The following PLA2G4A variants were observed in gnomAD, a reference collection of about 807,000 sequenced individuals.
The protein encoded by PLA2G4A is phospholipase A2 group IVA, also known as cytosolic phospholipase A2.
PLA2G4A carries 40 observed loss-of-function variants against 81.9 expected under a neutral mutation model. The ratio of observed to expected loss-of-function variants is 0.49; its 90% CI spans 0.38 to 0.64. PLA2G4A has a LOEUF of 0.64. Among genes scored for constraint, PLA2G4A ranks in the 30% least tolerant of loss-of-function variants. PLA2G4A has a pLI of 0.00. For missense variants in PLA2G4A, 715 were observed against 905.1 expected (o/e 0.79, Z 2.69); for synonymous variants, 302 against 296.9 (o/e 1.02, Z -0.18).
chr1:186,950,547 G>C, intron 12 of PLA2G4A, 110 bp from the exon 13 acceptor site: 1 of 655,864 alleles, frequency 1.5e-6, no homozygotes. Context: ...TATACTAGTA[G>C]AGCTAGTAGA....
chr1:186,956,463 C>A, intron 14 of PLA2G4A, 119 bp downstream of exon 14: 1 of 970,892 alleles, frequency 1.0e-6, no homozygotes, highest in Non-Finnish European at 1.7e-6. Context: ...TTACAACCTG[C>A]ATTTAATGTG....
chr1:186,871,603 C>T (rs1388266823), intron 3 of PLA2G4A, among the ~76,000 whole-genome samples: 1 of 152,026 alleles, frequency 6.6e-6, no homozygotes, highest in Non-Finnish European at 1.5e-5. Context: ...GCAAAAAGAC[C>T]AGAATGCTTG....
chr1:186,970,744 C>G (rs1190252911), intron 15 of PLA2G4A, among the ~76,000 whole-genome samples: 1 of 151,986 alleles, frequency 6.6e-6, no homozygotes, highest in Non-Finnish European at 1.5e-5. Context: ...TCTGGGTTCT[C>G]TATTCTGTTT....
intron 7 of PLA2G4A, among the ~76,000 whole-genome samples, chr1:186,927,692 C>A (rs1655597276): frequency 6.6e-6 from 1 of 152,100 alleles, no homozygotes; most frequent in Non-Finnish European, 1.5e-5. Flanking sequence ...AAATATGGAC[C>A]TTAAGTAATT....
At chr1:186,985,875 G>A (rs1257286393) in intron 17 of PLA2G4A, among the ~76,000 whole-genome samples, 1 of 152,092 alleles carries the variant, frequency 6.6e-6, no homozygotes, top group East Asian at 1.9e-4. Context: ...ATGACTTCTT[G>A]TATAATAATG....
rs1423157039 is a variant in PLA2G4A, at chr1:186,939,068, T to C, written c.756T>C (p.Asn252=). 6 of 1,611,780 alleles carry C rather than the reference T, an allele frequency of 3.7e-6. No individual in the cohort carries two copies. The highest frequency in any genetic ancestry group is 5.1e-6 in the Non-Finnish European group (6 of 1,177,984). Residue 252 remains asparagine (N), a synonymous_variant, in exon 9 of 18, where the codon AAT becomes AAC. Transcript: ENST00000367466. ...CAGAGAAAGGGCCAGAGGAGATTAA[T>C]GAAGAACTAATGAAAAATGTTAGCC... The part of the protein sequence containing the change: ...DFPEKGPEEI[N]EELMKNVSHN...
chr1:186,949,404 G>GAAGA (rs71108304), intron 12 of PLA2G4A, among the ~76,000 whole-genome samples: 4 of 147,044 alleles, frequency 2.7e-5, no homozygotes, highest in Non-Finnish European at 3.0e-5. Context: ...GAAAAAGAAA[G>GAAGA]AAGAAAGAAA....
intron 1 of PLA2G4A, among the ~76,000 whole-genome samples, chr1:186,839,358 A>T (rs1158660150): frequency 6.6e-6 from 1 of 152,166 alleles, no homozygotes; most frequent in African/African-American, 2.4e-5. Flanking sequence ...TGAAGTGGAA[A>T]GTCATTCTGC....
At chr1:186,911,148 A>G (rs1654925280) in intron 6 of PLA2G4A, 100 bp from the exon 7 acceptor site, 5 of 900,682 alleles carry the variant, frequency 5.6e-6, no homozygotes, top group South Asian at 1.3e-5. Flanking sequence ...AGCAGTCAGC[A>G]TATATCAGTG....
At chr1:186,893,957 A>G in intron 4 of PLA2G4A, 141 bp from the exon 5 acceptor site, 1 of 630,158 alleles carries the variant, frequency 1.6e-6, no homozygotes, top group South Asian at 1.8e-5. Context: ...AAGTATTGTT[A>G]CTAATTAAAT....
chr1:186,918,150 G>T (rs896870942), intron 7 of PLA2G4A, among the ~76,000 whole-genome samples: 1 of 152,144 alleles, frequency 6.6e-6, no homozygotes, highest in African/African-American at 2.4e-5. Context: ...GTGTTTGAGG[G>T]AGTAAGGGGG....
intron 2 of PLA2G4A, among the ~76,000 whole-genome samples, chr1:186,862,468 T>C (rs1652846363): frequency 6.6e-6 from 1 of 152,114 alleles, no homozygotes; most frequent in Non-Finnish European, 1.5e-5. Context: ...TTCCTCAGTT[T>C]CCCAAAGTGC....
At chr1:186,929,131 T>C (rs1269607933) in intron 7 of PLA2G4A, among the ~76,000 whole-genome samples, 1 of 152,252 alleles carries the variant, frequency 6.6e-6, no homozygotes, top group East Asian at 1.9e-4. Flanking sequence ...CAATGGTTTC[T>C]CTCCGTAAAG....
At chr1:186,843,793 T>G (rs958165918) in intron 1 of PLA2G4A, among the ~76,000 whole-genome samples, 5 of 152,342 alleles carry the variant, frequency 3.3e-5, no homozygotes, top group Non-Finnish European at 7.3e-5. Context: ...TTCCTCTTAC[T>G]ATAGATCTAA....
chr1:186,986,250 A>G (rs1175289280), intron 17 of PLA2G4A, among the ~76,000 whole-genome samples: 2 of 152,188 alleles, frequency 1.3e-5, no homozygotes, highest in Non-Finnish European at 2.9e-5. Flanking sequence ...TTTATGCTCA[A>G]GAATTCATTA....
At chr1:186,889,867 C>G (rs940340800) in intron 3 of PLA2G4A, among the ~76,000 whole-genome samples, 2 of 152,044 alleles carry the variant, frequency 1.3e-5, no homozygotes, top group African/African-American at 4.8e-5. Flanking sequence ...TCCATAGAAT[C>G]CATACCCTGT....
chr1:186,892,466 ATTGTATATGGCAAGAGATAGGAGTCTAGC>A (rs1168994510), intron 3 of PLA2G4A, among the ~76,000 whole-genome samples: 18 of 152,256 alleles, frequency 1.2e-4, no homozygotes, highest in African/African-American at 4.3e-4. Context: ...TTTATTGATT[ATTGTATATGGCAAGAGATAGGAGTCTAGC>A]TTCATTCTTC....
intron 1 of PLA2G4A, among the ~76,000 whole-genome samples, chr1:186,837,755 A>AAAAAAG (rs1553267329): frequency 1.1e-4 from 16 of 147,428 alleles, no homozygotes; most frequent in African/African-American, 4.1e-4. Context: ...AAAAAAAAGA[A>AAAAAAG]AAAGAAAAGA....
intron 2 of PLA2G4A, 46 bp from the exon 3 acceptor site, chr1:186,870,389 T>C: frequency 9.1e-7 from 1 of 1,103,312 alleles, no homozygotes; most frequent in Non-Finnish European, 1.4e-6. Context: ...AAAATGAGGT[T>C]CTATGTTGGA....
Sources: gnomAD v4.1 joint callset for allele counts (sites outside exome capture counted in the v4.1 genomes callset) on GRCh38, gnomAD v4.1.1 for gene constraint, MANE v1.5 for transcripts, NCBI Gene and HGNC (gene_info 2026-07-23, HGNC 2026-07-21) for gene names.